The following POLE variants were observed in gnomAD, a reference collection of about 807,000 sequenced individuals.
POLE encodes the protein DNA polymerase epsilon catalytic subunit A.
Under a neutral mutation model 279.2 loss-of-function variants are expected in POLE, and 188 were observed. The ratio of observed to expected loss-of-function variants is 0.67; its 90% confidence interval spans 0.60 to 0.76. The LOEUF (loss-of-function observed/expected upper bound fraction) is 0.76, where lower values mean the gene tolerates loss of function less well. Ranked by LOEUF, POLE falls within the 30% of genes least tolerant of loss-of-function variation. The pLI is 0.00. For missense variants in POLE, 2,703 were observed against 3,016.7 expected (o/e 0.90, Z 2.44); for synonymous variants, 1,214 against 1,172.5 (o/e 1.04, Z -0.72).
rs2042552341 is a variant in POLE at position 132,656,880 on chromosome 12, T to C, written c.3582+256A>G. Among the ~76,000 whole-genome samples, 6 of 152,238 alleles carry C rather than the reference T, an allele frequency of 3.9e-5. No homozygotes were observed. The South Asian group carries it at 1.0e-3, about 26-fold the overall frequency. On this transcript the variant is annotated intron_variant, in intron 29 of 48. Coordinates refer to ENST00000320574, the MANE Select transcript of POLE (RefSeq NM_006231.4). ...AGTGATTTGCCCAAGGCACTGAGTCTAAGTAGTGCACCCTAATATTTTCAC... is the reference window on the plus strand; with the variant it reads ...AGTGATTTGCCCAAGGCACTGAGTCCAAGTAGTGCACCCTAATATTTTCAC...
chr12:132,625,611 C>T (rs1217969579), intron 47 of POLE, 34 bp downstream of exon 47: 1 of 1,610,164 alleles, frequency 6.2e-7, no homozygotes. Flanking sequence ...CTGTGGACTC[C>T]AGGGCACACG....
chr12:132,641,265 C>T (rs34262516), intron 39 of POLE: 64,354 of 371,250 alleles, frequency 0.17, 6,208 homozygotes, highest in Non-Finnish European at 0.21. Flanking sequence ...CCCTCAACCA[C>T]GCCCTCTGCA....
In POLE at chr12:132,667,566, G is replaced by A. The variant is rs2135970081; in HGVS notation, c.2256C>T (p.Ser752=). 6.2e-7 allele frequency: 1 copy of A among 1,613,678 alleles called. No homozygotes were observed. Among genetic ancestry groups the A allele is most frequent in the Non-Finnish European group, 8.5e-7 (1 of 1,179,924 alleles). The change falls in exon 20 of 49, where the codon TCC becomes TCT. Residue 752 remains serine (S), a synonymous_variant. Transcript: ENST00000320574. Reference sequence around the variant, plus strand: ...AGGCACGCACGGTGTCCACGTAGAAGGAGTTTTCCCGCTGGCAGATGGTGG... The same window carrying A: ...AGGCACGCACGGTGTCCACGTAGAAAGAGTTTTCCCGCTGGCAGATGGTGG... ...RLTTICQREN[S]FYVDTVRAFR... is the part of the protein sequence containing the mutation.
rs1047902025 is a variant in POLE at position 132,667,193 on chromosome 12, C to T, written c.2319+310G>A. On this transcript the variant is annotated intron_variant, in intron 20 of 48. Transcript: ENST00000320574. ...CAGCGGGAAAGAGATAAACAATAGG[C>T]GAAGGCAGTTGGGTTCGTAAAACTT... 1.2e-4 allele frequency among the ~76,000 whole-genome samples: 19 copies of T among 152,228 alleles called. No individual in the cohort carries two copies. The East Asian group carries it at 1.5e-3, about 12-fold the overall frequency.
intron 45 of POLE, among the ~76,000 whole-genome samples, chr12:132,631,791 C>T (rs904906734): frequency 9.2e-5 from 14 of 152,176 alleles, no homozygotes; most frequent in Admixed American, 4.6e-4. Context: ...GGGTGTTCGG[C>T]TGTGCCTTCA....
chr12:132,670,433 G>C (rs562134843), intron 16 of POLE, among the ~76,000 whole-genome samples: 34 of 150,848 alleles, frequency 2.3e-4, no homozygotes, highest in African/African-American at 7.8e-4. Context: ...ATTTTTAGTA[G>C]AGACGGGGTT....
At chr12:132,638,165 G>T (rs373940675) in intron 40 of POLE, 26 bp from the exon 41 acceptor site, 4 of 1,611,408 alleles carry the variant, frequency 2.5e-6, no homozygotes, top group Non-Finnish European at 3.4e-6. Context: ...AGAGTCCGTG[G>T]TGGAGACGCC....
rs1427162463 is a variant in POLE, at chr12:132,632,469, A to G, written c.6176T>C (p.Leu2059Pro). 6.2e-7 allele frequency: 1 copy of G among 1,614,128 alleles called. No individual in the cohort carries two copies. The highest frequency in any genetic ancestry group is 1.6e-4 in the Middle Eastern group (1 of 6,062). Residue 2059 changes from leucine (L) to proline (P), a missense_variant, in exon 45 of 49, where the codon CTC (leucine) becomes CCC (proline). By Grantham distance (98) the Leu-to-Pro change is moderately conservative (BLOSUM62 -3). Coordinates refer to ENST00000320574, the MANE Select transcript of POLE (RefSeq NM_006231.4). ...AGTGATGGTGAAGAAGCTCTGAGTG[A>G]GCTCATTTGCGACATAATCCTGAGA... ...TFSQDYVANE[L>P]TQSFFTITQK... is the part of the protein sequence containing the mutation.
At position 132,685,685 on chromosome 12, in the gene POLE, G is replaced by A. The variant is rs186765947; in HGVS notation, c.62+1569C>T. Among the ~76,000 whole-genome samples the A allele has an allele frequency of 6.6e-5, 10 of 152,314 alleles. No individual in the cohort carries two copies. The East Asian group carries it at 7.7e-4, about 12-fold the overall frequency. On this transcript the variant is annotated intron_variant, in intron 1 of 48. Coordinates refer to ENST00000320574, the MANE Select transcript of POLE (RefSeq NM_006231.4). ...TCCTGAAGCAGGGCAGTCAGTAACCGTCTCTAAGCTCCAAGTTCCAACACA... is the reference window on the plus strand; with the variant it reads ...TCCTGAAGCAGGGCAGTCAGTAACCATCTCTAAGCTCCAAGTTCCAACACA...
chr12:132,667,871 C>G (rs1296642454), intron 19 of POLE, among the ~76,000 whole-genome samples: 1 of 152,078 alleles, frequency 6.6e-6, no homozygotes, highest in African/African-American at 2.4e-5. Context: ...CACTTGAGCC[C>G]AGGAGTTTGA....
intron 45 of POLE, among the ~76,000 whole-genome samples, chr12:132,630,724 A>G (rs1332601675): frequency 6.6e-6 from 1 of 152,210 alleles, no homozygotes; most frequent in Non-Finnish European, 1.5e-5. Flanking sequence ...CATCTCCAAA[A>G]AAAAGCTCCA....
Position 132,624,588 on chromosome 12 carries a change from GTT to G in POLE, c.*107_*108del, listed in dbSNP as rs2041790851. On this transcript the variant is annotated 3_prime_UTR_variant, in exon 49 of 49. Transcript: ENST00000320574. ...CCCGTTCCCTGGCCTGGGGTCACAG[GTT>G]TGGACAGTCAGGGTGGTCAGTGGTC... The G allele has an allele frequency of 9.1e-6, 7 of 773,046 alleles. No homozygotes were observed. The highest frequency in any genetic ancestry group is 1.7e-5 in the Non-Finnish European group (7 of 421,410). The allele number at this position is 773,046 out of a possible 1,614,324, so 47.9% of individuals were successfully genotyped here.
At position 132,649,904 on chromosome 12, in the gene POLE, TGAAGC is replaced by T. The variant is rs751616078; in HGVS notation, c.3583-20_3583-16del. ...GCCATCGTGACCTGGAAAGACCCAGTGAAGCCTTAAATCTCAGGATCTCGGGCTGC... is the reference window on the plus strand; with the variant it reads ...GCCATCGTGACCTGGAAAGACCCAGTCTTAAATCTCAGGATCTCGGGCTGC... On this transcript the variant is annotated splice_polypyrimidine_tract_variant and intron_variant, in intron 29 of 48. Transcript: ENST00000320574. 1 of 1,611,408 alleles carries T rather than the reference TGAAGC, an allele frequency of 6.2e-7. No homozygotes were observed. Among genetic ancestry groups the T allele is most frequent in the Non-Finnish European group, 8.5e-7 (1 of 1,178,458 alleles).
chr12:132,657,216 G>GTTTGACC lies in POLE; in HGVS notation c.3501_3502insGGTCAAA (p.His1168GlyfsTer11), dbSNP rs1060500814. The GTTTGACC allele has an allele frequency of 6.8e-6, 11 of 1,613,922 alleles. No homozygotes were observed. The highest frequency in any genetic ancestry group is 9.3e-6 in the Non-Finnish European group (11 of 1,179,938). ...TCATTCTTCTCCAGCAGTTTTTTGT[G>GTTTGACC]CAGCCAGTCGGGGTGTTTGACACGT... On this transcript the variant is annotated frameshift_variant, in exon 29 of 49. Transcript: ENST00000320574. LOFTEE classifies it high-confidence loss of function.
intron 1 of POLE, among the ~76,000 whole-genome samples, chr12:132,683,676 T>A (rs1462529175): frequency 6.6e-6 from 1 of 152,224 alleles, no homozygotes; most frequent in Non-Finnish European, 1.5e-5. Context: ...CAAGAGTGAA[T>A]GAAGTGCTAT....
chr12:132,674,204 C>A (rs199744750), intron 12 of POLE, among the ~76,000 whole-genome samples: 1 of 35,360 alleles, frequency 2.8e-5, no homozygotes, highest in Non-Finnish European at 4.6e-5. Flanking sequence ...GAAAAGAAGG[C>A]CCCCCACACT....
At position 132,642,334 on chromosome 12, in the gene POLE, G is replaced by C; in HGVS notation, c.5016C>G (p.Phe1672Leu). 4 of 1,594,976 alleles carry C rather than the reference G, an allele frequency of 2.5e-6. No individual in the cohort carries two copies. Among genetic ancestry groups the C allele is most frequent in the Non-Finnish European group, 3.4e-6 (4 of 1,170,162 alleles). The change falls in exon 38 of 49, where the codon TTC (phenylalanine) becomes TTG (leucine). Residue 1672 changes from phenylalanine (F) to leucine (L), a missense_variant. Coordinates refer to ENST00000320574, the MANE Select transcript of POLE (RefSeq NM_006231.4). ...TGTGGCGCTGGAGGTGGCGGGCAAA[G>C]AAGAGGTCGGAGCCGAATGTGGAGA... ...EDISTFGSDL[F>L]FARHLQRHNH...
At chr12:132,674,277 G>T (rs902944579) in intron 12 of POLE, among the ~76,000 whole-genome samples, 2 of 152,022 alleles carry the variant, frequency 1.3e-5, no homozygotes, top group African/African-American at 4.8e-5. Flanking sequence ...CTGTCCAGGG[G>T]TCATGTCCGG....
chr12:132,650,721 A>G (rs1355753385), intron 29 of POLE: 1 of 152,206 alleles, frequency 6.6e-6, no homozygotes, highest in Admixed American at 6.5e-5. Context: ...TTTTTGTAAG[A>G]AAGAAAATAT....
Sources: allele counts gnomAD v4.1 joint callset (sites outside exome capture counted in the v4.1 genomes callset), GRCh38; gene constraint gnomAD v4.1.1; transcripts MANE v1.5; gene names NCBI Gene and HGNC (gene_info 2026-07-23, HGNC 2026-07-21).